Variants in FTCDNL1 observed in about 807,000 individuals in gnomAD.
FTCDNL1 encodes the protein formiminotransferase cyclodeaminase N-terminal like, also known as formiminotransferase N-terminal subdomain-containing protein.
In FTCDNL1, 11 loss-of-function variants were observed where a neutral mutation model predicts 5.9. That is an observed-to-expected ratio of 1.87 (90% CI 1.18 to 3.10). FTCDNL1 has a LOEUF of 3.10. Among genes scored for constraint, FTCDNL1 ranks in the 30% most tolerant of loss-of-function variants. The pLI is 0.00. For synonymous variants in FTCDNL1, 58 were observed against 24.8 expected, an observed-to-expected ratio of 2.34 and a Z score of -3.99; for missense variants, 115 against 65.5, an observed-to-expected ratio of 1.76 and a Z score of -2.61.
At chr2:199,751,199 T>A in the FTCDNL1 span, among the ~76,000 whole-genome samples, 92 of 152,280 alleles carry the variant, frequency 6.0e-4, 1 homozygote, top group African/African-American at 2.0e-3. Flanking sequence ...AGGAGTGTGG[T>A]GATAATTAAT....
chr2:199,728,982 A>G, the FTCDNL1 span, among the ~76,000 whole-genome samples: 1 of 152,200 alleles, frequency 6.6e-6, no homozygotes, highest in African/African-American at 2.4e-5. Context: ...CAGAGGAAAA[A>G]GCATGAAGCA....
chr2:199,822,865 T>C (rs1481932286), intron 3 of FTCDNL1, among the ~76,000 whole-genome samples: 1 of 152,182 alleles, frequency 6.6e-6, no homozygotes, highest in African/African-American at 2.4e-5. Flanking sequence ...TTTTGTTTGT[T>C]TTGGAGACAG....
At chr2:199,789,068 A>T (rs1699797243) in intron 3 of FTCDNL1, among the ~76,000 whole-genome samples, 1 of 152,170 alleles carries the variant, frequency 6.6e-6, no homozygotes, top group African/African-American at 2.4e-5. Context: ...CCAATCTTCA[A>T]ATTGTTATAG....
At chr2:199,718,355 AT>A in the FTCDNL1 span, among the ~76,000 whole-genome samples, 60 of 152,142 alleles carry the variant, frequency 3.9e-4, no homozygotes, top group Non-Finnish European at 7.1e-4. Context: ...AGTTCCATCC[AT>A]GTTGCTGCAA....
At chr2:199,699,613 C>A in the FTCDNL1 span, among the ~76,000 whole-genome samples, 4 of 152,228 alleles carry the variant, frequency 2.6e-5, no homozygotes, top group Middle Eastern at 6.8e-3. Flanking sequence ...AAATTTCAGG[C>A]CAATATCCCT....
the FTCDNL1 span, among the ~76,000 whole-genome samples, chr2:199,677,999 T>C: frequency 6.6e-6 from 1 of 152,192 alleles, no homozygotes; most frequent in African/African-American, 2.4e-5. Context: ...AAATGAATCC[T>C]ACCCTCATTT....
chr2:199,707,299 C>A, the FTCDNL1 span, among the ~76,000 whole-genome samples: 1 of 151,986 alleles, frequency 6.6e-6, no homozygotes, highest in African/African-American at 2.4e-5. Context: ...GCCAACTGGG[C>A]CTGAAGATTA....
the FTCDNL1 span, among the ~76,000 whole-genome samples, chr2:199,754,029 A>G: frequency 2.0e-5 from 3 of 152,206 alleles, no homozygotes; most frequent in Non-Finnish European, 4.4e-5. Context: ...ATCTAGAGGC[A>G]AAAGTGCCAG....
At chr2:199,727,787 G>C in the FTCDNL1 span, among the ~76,000 whole-genome samples, 1 of 151,796 alleles carries the variant, frequency 6.6e-6, no homozygotes. Context: ...ACTCTTAAAG[G>C]GCTTTTACAT....
chr2:199,831,164 G>T (rs540473547), intron 3 of FTCDNL1, among the ~76,000 whole-genome samples: 1 of 152,122 alleles, frequency 6.6e-6, no homozygotes, highest in South Asian at 2.1e-4. Context: ...TCTCTGAGTT[G>T]TCAGTTTATT....
chr2:199,843,707 T>C (rs1246497636), intron 3 of FTCDNL1, among the ~76,000 whole-genome samples: 1 of 152,198 alleles, frequency 6.6e-6, no homozygotes, highest in Non-Finnish European at 1.5e-5. Flanking sequence ...CAGAAAAGAA[T>C]GCAATTATCC....
rs188653382 is a variant in FTCDNL1 at position 199,822,540 on chromosome 2, C to A, written c.212-2783G>T. 4.5e-4 allele frequency among the ~76,000 whole-genome samples: 69 copies of A among 152,316 alleles called. 1 individual carries two copies. The highest frequency in any genetic ancestry group is 1.6e-3 in the African/African-American group (67 of 41,578). ...TGATGGCTGCCGAAGGCTGGAGTGG[C>A]TGTGGTAATTTGTTAAAATAAGACC... is the stretch of plus-strand genomic sequence containing the variant. On this transcript the variant is annotated intron_variant, in intron 3 of 4. Transcript: ENST00000420128.
the FTCDNL1 span, among the ~76,000 whole-genome samples, chr2:199,731,067 A>G: frequency 2.0e-5 from 3 of 152,222 alleles, no homozygotes; most frequent in Non-Finnish European, 4.4e-5. Context: ...GCTGGATACT[A>G]TCATTCTCAG....
intron 3 of FTCDNL1, among the ~76,000 whole-genome samples, chr2:199,793,142 A>T (rs546111111): frequency 6.6e-6 from 1 of 152,188 alleles, no homozygotes; most frequent in Non-Finnish European, 1.5e-5. Context: ...GCTCTTATAC[A>T]TATGGAATTA....
chr2:199,725,986 A>G, the FTCDNL1 span, among the ~76,000 whole-genome samples: 540 of 152,008 alleles, frequency 3.6e-3, 3 homozygotes, highest in African/African-American at 0.012. Flanking sequence ...ATGTTTTCCA[A>G]CTTGGTTCCA....
chr2:199,784,527 G>T (rs1203686624), intron 3 of FTCDNL1, among the ~76,000 whole-genome samples: 6 of 152,150 alleles, frequency 3.9e-5, no homozygotes, highest in Non-Finnish European at 8.8e-5. Context: ...GAGGTTTATT[G>T]GGGAGGACTC....
chr2:199,719,501 C>T, the FTCDNL1 span, among the ~76,000 whole-genome samples: 1 of 152,104 alleles, frequency 6.6e-6, no homozygotes, highest in Non-Finnish European at 1.5e-5. Flanking sequence ...ATTGCCTTGG[C>T]TATTCAGGCT....
chr2:199,780,907 C>A (rs1178530452), intron 3 of FTCDNL1, among the ~76,000 whole-genome samples: 1 of 152,194 alleles, frequency 6.6e-6, no homozygotes, highest in Non-Finnish European at 1.5e-5. Flanking sequence ...CTTGTGTCCC[C>A]TCATGGAAGT....
the FTCDNL1 span, among the ~76,000 whole-genome samples, chr2:199,670,306 AACAATGAG>A: frequency 1.3e-5 from 2 of 152,228 alleles, no homozygotes. Flanking sequence ...AGCAGGTATC[AACAATGAG>A]ATTTTTAAAC....
Sources: gnomAD v4.1 joint callset for allele counts (sites outside exome capture counted in the v4.1 genomes callset) on GRCh38, gnomAD v4.1.1 for gene constraint, MANE v1.5 for transcripts, NCBI Gene and HGNC (gene_info 2026-07-23, HGNC 2026-07-21) for gene names.